Variants in DOK7 observed in about 807,000 individuals in gnomAD.
DOK7 encodes protein Dok-7.
A neutral mutation model predicts 30.7 loss-of-function variants in DOK7; 32 were observed. That is an observed-to-expected ratio of 1.04 (90% CI 0.79 to 1.40). The LOEUF is 1.40. Among genes scored for constraint, DOK7 ranks in the 40% most tolerant of loss-of-function variants. DOK7 has a pLI of 0.00. For synonymous variants in DOK7, 447 were observed against 324.1 expected (o/e 1.38, Z -4.07); for missense variants, 1,007 against 699.2 (o/e 1.44, Z -4.97).
At chr4:3,483,422 C>T (rs1727556832) in intron 4 of DOK7, among the ~76,000 whole-genome samples, 1 of 152,088 alleles carries the variant, frequency 6.6e-6, no homozygotes, top group Non-Finnish European at 1.5e-5. Context: ...GGCCCAAGAC[C>T]TTGGCAGACC....
At chr4:3,497,142 G>A (rs1159752283), downstream of DOK7, among the ~76,000 whole-genome samples, 1 of 152,052 alleles carries the variant, frequency 6.6e-6, no homozygotes, top group African/African-American at 2.4e-5. Flanking sequence ...GTGGGTAGAG[G>A]GCAGGCTGCT....
At position 3,494,105 on chromosome 4, in the gene DOK7, A is replaced by AGTGAAGCCCTTGTGGG; in HGVS notation, c.*605_*620dup. 1 of 985,970 alleles carries AGTGAAGCCCTTGTGGG rather than the reference A, an allele frequency of 1.0e-6. No homozygotes were observed. The highest frequency in any genetic ancestry group is 1.2e-6 in the Non-Finnish European group (1 of 830,344). The allele number at this position is 985,970 out of a possible 1,614,324, so 61.1% of individuals were successfully genotyped here. A position where few individuals can be genotyped will look rare whatever the true frequency, so the allele number is the denominator to read the frequency against. ...TGGGTTCTGGGCCCCACTGTTCCCCAGTGAAGCCCTTGTGGGAAGGTTCCG... is the reference window on the plus strand; with the variant it reads ...TGGGTTCTGGGCCCCACTGTTCCCCAGTGAAGCCCTTGTGGGGTGAAGCCCTTGTGGGAAGGTTCCG... On this transcript the variant is annotated 3_prime_UTR_variant, in exon 7 of 7. Coordinates refer to ENST00000340083, the MANE Select transcript of DOK7 (RefSeq NM_173660.5).
At position 3,485,911 on chromosome 4, in the gene DOK7, G is replaced by C. The variant is rs62272672; in HGVS notation, c.652+253G>C. 3.1e-4 allele frequency among the ~76,000 whole-genome samples: 47 copies of C among 152,286 alleles called. 2 individuals are homozygous for C. In the East Asian group the frequency reaches 8.9e-3, roughly 29 times the overall value. The stretch of plus-strand genomic sequence containing the variant: ...CCTCGGGGGTCCGAGCTGTTGGAAC[G>C]CTTGGCCCTAGAGCTTTCTGGCTGG... On this transcript the variant is annotated intron_variant, in intron 5 of 6. Coordinates refer to ENST00000340083, the MANE Select transcript of DOK7 (RefSeq NM_173660.5).
intron 4 of DOK7, among the ~76,000 whole-genome samples, chr4:3,479,832 G>T (rs1202800593): frequency 1.3e-5 from 2 of 152,224 alleles, no homozygotes; most frequent in Non-Finnish European, 2.9e-5. Context: ...CAACCCCCGG[G>T]TCCCCAGTGT....
intron 3 of DOK7, among the ~76,000 whole-genome samples, 159 bp downstream of exon 3, chr4:3,473,795 G>A (rs894443632): frequency 6.6e-6 from 1 of 152,208 alleles, no homozygotes; most frequent in Non-Finnish European, 1.5e-5. Context: ...CCAGCCTGGG[G>A]GTGCCCACGA....
At chr4:3,497,157 G>A (rs1577190604), downstream of DOK7, among the ~76,000 whole-genome samples, 4 of 152,182 alleles carry the variant, frequency 2.6e-5, no homozygotes, top group East Asian at 1.9e-4. Context: ...GCTGCTGGAG[G>A]ATGGACTGAA....
chr4:3,496,529 A>T (rs1387155539), downstream of DOK7, among the ~76,000 whole-genome samples: 1 of 152,206 alleles, frequency 6.6e-6, no homozygotes, highest in Non-Finnish European at 1.5e-5. Context: ...CAGGGCTGGG[A>T]ACCGCCCCCT....
In DOK7 at chr4:3,494,262, CTG is replaced by C. The variant is rs1228393851; in HGVS notation, c.*765_*766del. The C allele has an allele frequency of 9.8e-5, 97 of 985,518 alleles. No homozygotes were observed. The highest frequency in any genetic ancestry group is 5.2e-4 in the Middle Eastern group (1 of 1,914). 61.0% of individuals were successfully genotyped at this position (985,518 alleles called of 1,614,324 possible). A position where few individuals can be genotyped will look rare whatever the true frequency, so the allele number is the denominator to read the frequency against. ...TCGCAGGGCCAAAGGCTGGCTTGGC[CTG>C]TGTTTCCCCTGGCCCAGGCCTCAGC... On this transcript the variant is annotated 3_prime_UTR_variant, in exon 7 of 7. Transcript: ENST00000340083.
chr4:3,485,776 C>T, intron 5 of DOK7, 118 bp downstream of exon 5: 1 of 1,337,066 alleles, frequency 7.5e-7, no homozygotes, highest in Non-Finnish European at 9.6e-7. Context: ...TCCCCACCCC[C>T]AGCTAAGGAA....
intron 2 of DOK7, among the ~76,000 whole-genome samples, chr4:3,467,049 G>A (rs916602733): frequency 1.3e-5 from 2 of 152,278 alleles, no homozygotes; most frequent in African/African-American, 4.8e-5. Context: ...GCGGCTCCAG[G>A]CTGCTGCACC....
chr4:3,494,403 C>T lies in DOK7; in HGVS notation c.*902C>T, dbSNP rs1005456283. On this transcript the variant is annotated 3_prime_UTR_variant, in exon 7 of 7. Coordinates refer to ENST00000340083, the MANE Select transcript of DOK7 (RefSeq NM_173660.5). ...CAGCCCAGCAGCTCCCTGTGAACAC[C>T]TCTTTGTCCCTTCACTGTCAGCTGT... The T allele has an allele frequency of 4.1e-6, 4 of 985,828 alleles. No individual in the cohort carries two copies. The highest frequency in any genetic ancestry group is 3.6e-6 in the Non-Finnish European group (3 of 830,204). The allele number at this position is 985,828 out of a possible 1,614,324, so 61.1% of individuals were successfully genotyped here.
chr4:3,464,518 C>T (rs1326928171), intron 2 of DOK7, among the ~76,000 whole-genome samples: 1 of 152,196 alleles, frequency 6.6e-6, no homozygotes, highest in Non-Finnish European at 1.5e-5. Flanking sequence ...TCTTTGTCCT[C>T]CGGGGCTGCA....
intron 6 of DOK7, 75 bp downstream of exon 6, chr4:3,489,871 C>T (rs1728087059): frequency 3.3e-6 from 5 of 1,530,968 alleles, no homozygotes; most frequent in Non-Finnish European, 4.4e-6. Flanking sequence ...GGCATCCATG[C>T]ATGTGTGGGG....
intron 6 of DOK7, 111 bp from the exon 7 acceptor site, chr4:3,492,648 G>A (rs1054593867): frequency 6.8e-7 from 1 of 1,475,872 alleles, no homozygotes; most frequent in Non-Finnish European, 9.2e-7. Flanking sequence ...GGCTGGAAGG[G>A]GTGGGGCGAG....
chr4:3,500,692 G>A, exon 8 of DOK7: 3 of 1,535,820 alleles, frequency 2.0e-6, no homozygotes, highest in Non-Finnish European at 2.6e-6. Flanking sequence ...ATTCTTTCAG[G>A]GGCTGGCGCC....
chr4:3,489,949 C>G (rs1728094761), intron 6 of DOK7, among the ~76,000 whole-genome samples, 153 bp downstream of exon 6: 1 of 147,884 alleles, frequency 6.8e-6, no homozygotes, highest in Admixed American at 6.7e-5. Context: ...TCCCCCAACT[C>G]CCCGCCCCGC....
intron 2 of DOK7, among the ~76,000 whole-genome samples, chr4:3,469,125 TTGTG>T (rs756938273): frequency 0.011 from 1,599 of 145,462 alleles, 24 homozygotes; most frequent in African/African-American, 0.038. Context: ...TGTGCACACA[TTGTG>T]TGTGTGCGTG....
rs572371120 is a variant in DOK7, at chr4:3,468,275, C to A, written c.100+4724C>A. ...GTGTGTGTCCGCGTGCATGTGAATA[C>A]CTGTGGGAGTGTGTGTGCACGTGTG... On this transcript the variant is annotated intron_variant, in intron 2 of 6. Coordinates refer to ENST00000340083, the MANE Select transcript of DOK7 (RefSeq NM_173660.5). Among the ~76,000 whole-genome samples the A allele has an allele frequency of 7.3e-5, 11 of 149,668 alleles. No homozygotes were observed. The East Asian group carries it at 1.8e-3, about 24-fold the overall frequency.
At chr4:3,496,701 C>T, downstream of DOK7, 4 of 1,151,718 alleles carry the variant, frequency 3.5e-6, no homozygotes, top group Non-Finnish European at 3.6e-6. Context: ...CTGCAGGTGA[C>T]CCAGGTCCCC....
Sources: allele counts gnomAD v4.1 joint callset (sites outside exome capture counted in the v4.1 genomes callset), GRCh38; gene constraint gnomAD v4.1.1; transcripts MANE v1.5; gene names NCBI Gene and HGNC (gene_info 2026-07-23, HGNC 2026-07-21).